GARIN5A: variants seen among roughly 807,000 people sequenced by gnomAD.
GARIN5A encodes golgi associated RAB2 interactor 5A.
the GARIN5A span, among the ~76,000 whole-genome samples, chr19:50,474,424 C>T: frequency 2.5e-4 from 38 of 151,664 alleles, no homozygotes; most frequent in Admixed American, 3.9e-4. Flanking sequence ...CAGCTCACTG[C>T]AACCTCCGCC....
chr19:50,472,104 A>G, the GARIN5A span, among the ~76,000 whole-genome samples: 2 of 144,476 alleles, frequency 1.4e-5, no homozygotes, highest in Non-Finnish European at 3.0e-5. Context: ...ATATGTATAT[A>G]TACGTGTGTA....
the GARIN5A span, chr19:50,475,629 A>T: frequency 1.4e-6 from 1 of 703,856 alleles, no homozygotes; most frequent in South Asian, 1.9e-5. Flanking sequence ...GTGTGAAGTC[A>T]GGGAAACTGA....
At chr19:50,475,262 C>T in the GARIN5A span, 1 of 1,513,114 alleles carries the variant, frequency 6.6e-7, no homozygotes, top group South Asian at 1.3e-5. Context: ...GGAGGTACTG[C>T]TGGGGGCTCA....
chr19:50,475,332 G>A, the GARIN5A span: 2 of 1,594,102 alleles, frequency 1.3e-6, no homozygotes, highest in Non-Finnish European at 1.7e-6. Context: ...TACCCGAAGA[G>A]TTGCAGGTGT....
chr19:50,476,187 G>A, the GARIN5A span: 1 of 1,613,678 alleles, frequency 6.2e-7, no homozygotes, highest in Non-Finnish European at 8.5e-7. Context: ...TTAGGGCCGC[G>A]ATCCCGCCTC....
chr19:50,475,727 G>T, the GARIN5A span: 1 of 842,706 alleles, frequency 1.2e-6, no homozygotes, highest in Non-Finnish European at 2.0e-6. Context: ...TTGGGAGTCG[G>T]GAATCCCACG....
the GARIN5A span, chr19:50,475,175 T>C: frequency 8.1e-7 from 1 of 1,229,010 alleles, no homozygotes; most frequent in Non-Finnish European, 1.1e-6. Flanking sequence ...TCTGTCCTTG[T>C]TCTCCCGGGT....
At chr19:50,474,555 C>A in the GARIN5A span, among the ~76,000 whole-genome samples, 1 of 152,066 alleles carries the variant, frequency 6.6e-6, no homozygotes, top group African/African-American at 2.4e-5. Flanking sequence ...CTGTGTTAGC[C>A]AGGATGGTCT....
chr19:50,476,414 G>A, the GARIN5A span: 50 of 1,545,924 alleles, frequency 3.2e-5, no homozygotes, highest in Non-Finnish European at 1.6e-5. Flanking sequence ...CCCCAGGTGC[G>A]GACGGGTGCC....
At chr19:50,475,834 T>C in the GARIN5A span, 1 of 1,611,006 alleles carries the variant, frequency 6.2e-7, no homozygotes, top group Non-Finnish European at 8.5e-7. Context: ...GCTCCCTACC[T>C]GTACGAAGTT....
the GARIN5A span, among the ~76,000 whole-genome samples, chr19:50,471,890 A>G: frequency 4.7e-5 from 7 of 150,356 alleles, no homozygotes; most frequent in African/African-American, 1.7e-4. Context: ...ATGTGTGTAT[A>G]TGTATGCATA....
At chr19:50,472,254 T>C in the GARIN5A span, among the ~76,000 whole-genome samples, 245 of 101,728 alleles carry the variant, frequency 2.4e-3, 2 homozygotes, top group Non-Finnish European at 3.1e-3. Context: ...TATATATACA[T>C]GTATGTGTGT....
At chr19:50,476,019 G>T in the GARIN5A span, 1 of 1,603,248 alleles carries the variant, frequency 6.2e-7, no homozygotes, top group Non-Finnish European at 8.5e-7. Context: ...AGAGGGCCCG[G>T]CACAGCCCCG....
the GARIN5A span, chr19:50,476,257 C>A: frequency 2.5e-6 from 4 of 1,611,058 alleles, no homozygotes; most frequent in African/African-American, 2.7e-5. Context: ...AGCGAGGGGG[C>A]GGGACTACGC....
chr19:50,469,363 G>A, the GARIN5A span, among the ~76,000 whole-genome samples: 1 of 152,150 alleles, frequency 6.6e-6, no homozygotes, highest in African/African-American at 2.4e-5. Context: ...CATCCACCCT[G>A]TTGAGACTTC....
chr19:50,474,640 C>T, the GARIN5A span, among the ~76,000 whole-genome samples: 2 of 152,086 alleles, frequency 1.3e-5, no homozygotes, highest in Non-Finnish European at 2.9e-5. Flanking sequence ...CCACCGCACC[C>T]GGCCCTGGCT....
chr19:50,468,667 G>A, the GARIN5A span, among the ~76,000 whole-genome samples: 27 of 152,188 alleles, frequency 1.8e-4, no homozygotes, highest in African/African-American at 4.8e-4. Flanking sequence ...GCAGTGGCAC[G>A]GTCATAGCTC....
chr19:50,475,250 G>C, the GARIN5A span: 1 of 1,503,298 alleles, frequency 6.7e-7, no homozygotes, highest in African/African-American at 1.4e-5. Context: ...GTCTGGACGA[G>C]GGGAGGTACT....
the GARIN5A span, chr19:50,476,757 T>C: frequency 7.8e-6 from 6 of 766,598 alleles, no homozygotes; most frequent in East Asian, 6.3e-5. Flanking sequence ...TGCGCAGGGC[T>C]GAGAGGGAAG....
Sources: allele counts gnomAD v4.1 joint callset (sites outside exome capture counted in the v4.1 genomes callset), GRCh38; gene constraint gnomAD v4.1.1; transcripts MANE v1.5; gene names NCBI Gene and HGNC (gene_info 2026-07-23, HGNC 2026-07-21).